Variants in SVIL observed in about 807,000 individuals in gnomAD.
SVIL encodes archvillin.
In SVIL, 101 loss-of-function variants were observed where a neutral mutation model predicts 240.4. The observed-to-expected ratio is 0.42, with a 90% confidence interval of 0.36 to 0.50. The LOEUF (loss-of-function observed/expected upper bound fraction) is 0.50, where lower values mean the gene tolerates loss of function less well. Among genes scored for constraint, SVIL ranks in the 20% least tolerant of loss-of-function variants. The pLI is 0.01. For synonymous variants in SVIL, 999 were observed against 1,100.0 expected, an observed-to-expected ratio of 0.91 and a Z score of 1.82; for missense variants, 2,512 against 2,818.7, an observed-to-expected ratio of 0.89 and a Z score of 2.46.
chr10:29,716,458 A>G (rs994546963), intron 1 of SVIL, among the ~76,000 whole-genome samples: 1 of 152,236 alleles, frequency 6.6e-6, no homozygotes, highest in Admixed American at 6.5e-5. Flanking sequence ...AAAAAAAGAG[A>G]CAGGAGAGGA....
chr10:29,647,166 T>C (rs567991311), intron 3 of SVIL: 1 of 152,264 alleles, frequency 6.6e-6, no homozygotes, highest in African/African-American at 2.4e-5. Context: ...AACATACAGT[T>C]CTGAAGAAGT....
chr10:29,663,926 G>C (rs1012588956), intron 2 of SVIL, among the ~76,000 whole-genome samples: 7 of 152,210 alleles, frequency 4.6e-5, no homozygotes, highest in African/African-American at 1.7e-4. Context: ...ACATCAAGGA[G>C]AGGGAGCTAA....
intron 30 of SVIL, 149 bp from the exon 31 acceptor site, chr10:29,471,392 C>T (rs912172616): frequency 1.5e-5 from 9 of 620,368 alleles, no homozygotes; most frequent in African/African-American, 7.5e-5. Flanking sequence ...AGAAGCTCTG[C>T]GAACGCTGCC....
At chr10:29,462,936 TTA>T (rs796615982) in intron 35 of SVIL, among the ~76,000 whole-genome samples, 2 of 151,730 alleles carry the variant, frequency 1.3e-5, no homozygotes, top group African/African-American at 2.4e-5. Context: ...TTAAATAAGA[TTA>T]ATTACTGGCA....
At chr10:29,638,219 T>C (rs1355136802), upstream of SVIL, among the ~76,000 whole-genome samples, 4 of 152,170 alleles carry the variant, frequency 2.6e-5, no homozygotes, top group Admixed American at 2.6e-4. Context: ...CCCAGAACTT[T>C]GGGAGGCTGT....
In SVIL at chr10:29,550,579, C is replaced by G; in HGVS notation, c.827+18G>C. The G allele has an allele frequency of 6.3e-7, 1 of 1,583,860 alleles. No homozygotes were observed. The highest frequency in any genetic ancestry group is 1.1e-5 in the South Asian group (1 of 87,082). ...ATTGTCCTGCGTTCAGGGTGCTTAG[C>G]GTGGACTGGATGCTTACCTGGGTCG... On this transcript the variant is annotated intron_variant, in intron 6 of 37. Transcript: ENST00000355867.
intron 1 of SVIL, among the ~76,000 whole-genome samples, chr10:29,590,915 C>G (rs1463349063): frequency 1.3e-5 from 2 of 152,212 alleles, no homozygotes; most frequent in Non-Finnish European, 2.9e-5. Context: ...TTACAAAACA[C>G]TCCAAATAGA....
intron 2 of SVIL, among the ~76,000 whole-genome samples, chr10:29,681,390 C>G (rs1335082555): frequency 7.1e-6 from 1 of 141,554 alleles, no homozygotes; most frequent in Non-Finnish European, 1.5e-5. Context: ...GGCATGATGA[C>G]CTCTAAAGAT....
chr10:29,497,901 GCA>G (rs1363236596), intron 18 of SVIL, among the ~76,000 whole-genome samples: 2,423 of 149,844 alleles, frequency 0.016, 63 homozygotes, highest in African/African-American at 0.056. Context: ...GGCAAACATG[GCA>G]AAACCCCGTC....
In SVIL at chr10:29,523,483, T is replaced by G; in HGVS notation, c.3131A>C (p.Glu1044Ala). 5 of 1,610,484 alleles carry G rather than the reference T, an allele frequency of 3.1e-6. No homozygotes were observed. Among genetic ancestry groups the G allele is most frequent in the African/African-American group, 1.3e-5 (1 of 74,852 alleles). The change falls in exon 15 of 38, where the codon GAG becomes GCG. Residue 1044 changes from glutamate to alanine, a missense_variant. Glu to Ala is a moderately radical substitution (Grantham distance 107). Coordinates refer to ENST00000355867, the MANE Select transcript of SVIL (RefSeq NM_021738.3). ...TGAAAACTTCCTTTTCATAACATTCTCCACCTCCACCTTCTCTTCAAAGGG... is the reference window on the plus strand; with the variant it reads ...TGAAAACTTCCTTTTCATAACATTCGCCACCTCCACCTTCTCTTCAAAGGG... ...RLPFEEKVEV[E>A]NVMKRKFSLR... is the part of the protein sequence containing the mutation.
At chr10:29,690,977 T>C (rs1342318950) in intron 1 of SVIL, among the ~76,000 whole-genome samples, 3 of 152,224 alleles carry the variant, frequency 2.0e-5, no homozygotes, top group Admixed American at 6.5e-5. Flanking sequence ...GTTCAGATAA[T>C]GAAAGCTATT....
chr10:29,468,185 T>G lies in SVIL; in HGVS notation c.5844-310A>C, dbSNP rs1217797573. On this transcript the variant is annotated intron_variant, in intron 32 of 37. Transcript: ENST00000355867. ...CTACTCCTGTATTTATGGACTTGCC[T>G]GTTTTGGACATTTCATACAGATGGA... 2.6e-5 allele frequency among the ~76,000 whole-genome samples: 4 copies of G among 152,224 alleles called. No individual in the cohort carries two copies. The South Asian group carries it at 6.2e-4, about 24-fold the overall frequency.
intron 1 of SVIL, among the ~76,000 whole-genome samples, chr10:29,588,809 C>G (rs923269733): frequency 3.9e-5 from 6 of 152,184 alleles, no homozygotes; most frequent in African/African-American, 1.4e-4. Context: ...AAATGCGTAA[C>G]TGACTTCCCC....
intron 30 of SVIL, chr10:29,473,572 C>A: frequency 2.0e-6 from 1 of 512,784 alleles, no homozygotes; most frequent in Non-Finnish European, 3.5e-6. Context: ...TTCAAAGCCA[C>A]CCATTGGCCA....
chr10:29,679,239 G>A (rs909492723), intron 2 of SVIL, among the ~76,000 whole-genome samples: 1 of 151,998 alleles, frequency 6.6e-6, no homozygotes, highest in South Asian at 2.1e-4. Flanking sequence ...AAAACACCTG[G>A]GTTTAGAGCT....
intron 1 of SVIL, among the ~76,000 whole-genome samples, chr10:29,595,965 G>C (rs1956570371): frequency 6.6e-6 from 1 of 152,198 alleles, no homozygotes; most frequent in Non-Finnish European, 1.5e-5. Flanking sequence ...CGAGCTTAGA[G>C]ACCAGTCCCA....
intron 1 of SVIL, among the ~76,000 whole-genome samples, chr10:29,588,139 T>C (rs1322872533): frequency 6.6e-6 from 1 of 151,358 alleles, no homozygotes; most frequent in African/African-American, 2.4e-5. Context: ...ATTTAATATG[T>C]CCCAACGGAG....
Position 29,526,940 on chromosome 10 carries a change from G to A in SVIL, c.2342+21C>T, listed in dbSNP as rs1436093020. On this transcript the variant is annotated intron_variant, in intron 13 of 37. Coordinates refer to ENST00000355867, the MANE Select transcript of SVIL (RefSeq NM_021738.3). ...GGCACCTTTGCACCGGGTGCCGCAT[G>A]CATCTGTATCTGTCCAGTACCTGGC... The A allele has an allele frequency of 2.0e-6, 3 of 1,530,978 alleles. 1 individual carries two copies. The highest frequency in any genetic ancestry group is 2.6e-6 in the Non-Finnish European group (3 of 1,143,946). The allele number at this position is 1,530,978 out of a possible 1,614,324, so 94.8% of individuals were successfully genotyped here.
intron 29 of SVIL, among the ~76,000 whole-genome samples, chr10:29,477,181 C>A (rs1564476528): frequency 6.6e-6 from 1 of 152,192 alleles, no homozygotes; most frequent in African/African-American, 2.4e-5. Context: ...TCTTTACAAC[C>A]TTGATTAGTT....
Sources: allele counts gnomAD v4.1 joint callset (sites outside exome capture counted in the v4.1 genomes callset), GRCh38; gene constraint gnomAD v4.1.1; transcripts MANE v1.5; gene names NCBI Gene and HGNC (gene_info 2026-07-23, HGNC 2026-07-21).